The following TUB variants were observed in gnomAD, a reference collection of about 807,000 sequenced individuals.
TUB encodes TUB bipartite transcription factor.
TUB carries 33 observed loss-of-function variants against 59.7 expected under a neutral mutation model. The observed-to-expected ratio is 0.55, with a 90% CI of 0.42 to 0.74. The LOEUF (loss-of-function observed/expected upper bound fraction) is 0.74. Ranked by LOEUF, TUB falls within the 30% of genes least tolerant of loss-of-function variation. The pLI is 0.00. For missense variants in TUB, 659 were observed against 672.0 expected (o/e 0.98, Z 0.21); for synonymous variants, 293 against 256.4 (o/e 1.14, Z -1.36).
chr11:8,100,463 T>A (rs201940066), intron 9 of TUB, 40 bp from the exon 10 acceptor site: 1 of 1,537,548 alleles, frequency 6.5e-7, no homozygotes, highest in Admixed American at 1.7e-5. Flanking sequence ...AGTAGGTAAA[T>A]AGACGCCTCA....
chr11:8,054,087 C>T (rs1479679411), intron 2 of TUB, among the ~76,000 whole-genome samples: 4 of 151,928 alleles, frequency 2.6e-5, no homozygotes, highest in African/African-American at 9.7e-5. Context: ...TGTACTCCAG[C>T]CGGGGCGACA....
At chr11:8,029,411 CAG>C (rs1199831765) in intron 1 of TUB, among the ~76,000 whole-genome samples, 2 of 128,540 alleles carry the variant, frequency 1.6e-5, no homozygotes, top group African/African-American at 6.2e-5. Context: ...TTTTTTGAGA[CAG>C]AGTCTCGCTC....
rs1016265527 is a variant in TUB at position 8,053,647 on chromosome 11, C to T, written c.203+13955C>T. Among the ~76,000 whole-genome samples the T allele has an allele frequency of 2.0e-5, 3 of 151,372 alleles. No individual in the cohort carries two copies. In the South Asian group the frequency reaches 6.2e-4, roughly 31 times the overall value. On this transcript the variant is annotated intron_variant, in intron 2 of 12. Coordinates refer to the TUB transcript ENST00000305253. Reference sequence around the variant, plus strand: ...TCCGGAGTAGCTGGGACTACCGGCGCCCGCCACGACGCCCGGCGAATTTTT... The same window carrying T: ...TCCGGAGTAGCTGGGACTACCGGCGTCCGCCACGACGCCCGGCGAATTTTT...
At chr11:8,100,458 GTAAA>G (rs1388135962) in intron 9 of TUB, 41 bp from the exon 10 acceptor site, 2 of 1,509,904 alleles carry the variant, frequency 1.3e-6, no homozygotes, top group Non-Finnish European at 1.8e-6. Flanking sequence ...TCTCCAGTAG[GTAAA>G]TAGACGCCTC....
At chr11:8,033,969 G>A (rs1196187219), upstream of TUB, among the ~76,000 whole-genome samples, 2 of 152,240 alleles carry the variant, frequency 1.3e-5, no homozygotes, top group African/African-American at 2.4e-5. Flanking sequence ...AGGGAGGGCC[G>A]GAGAATAGGC....
Position 8,090,147 on chromosome 11 carries a change from C to T in TUB, c.169C>T (p.Arg57Trp), listed in dbSNP as rs1464132328. Reference protein sequence around the residue: ...MVQANADGRPRSRRARQSEEQ... With the variant: ...MVQANADGRPWSRRARQSEEQ... ...GCAGGCCAATGCAGATGGGCGGCCC[C>T]GGAGCCGGCGGGCCCGGCAGTCAGA... is the stretch of plus-strand genomic sequence containing the variant. The change falls in exon 3 of 12, where the codon CGG becomes TGG. Residue 57 changes from arginine to tryptophan, a missense_variant. Physicochemically the swap from Arg to Trp is moderately radical, Grantham distance 101. Coordinates refer to ENST00000299506, the MANE Select transcript of TUB (RefSeq NM_177972.3). 4 of 1,613,606 alleles carry T rather than the reference C, an allele frequency of 2.5e-6. No homozygotes were observed. The highest frequency in any genetic ancestry group is 3.4e-6 in the Non-Finnish European group (4 of 1,179,900).
At chr11:8,069,788 A>T (rs1241520136) in intron 2 of TUB, among the ~76,000 whole-genome samples, 1 of 152,054 alleles carries the variant, frequency 6.6e-6, no homozygotes, top group Non-Finnish European at 1.5e-5. Context: ...TGCCCTAATC[A>T]TGGGCATCCA....
intron 1 of TUB, among the ~76,000 whole-genome samples, chr11:8,032,692 A>C (rs1354233379): frequency 2.1e-5 from 1 of 47,046 alleles, no homozygotes; most frequent in Non-Finnish European, 6.8e-5. Flanking sequence ...CCTCCCGCAC[A>C]TCTGGCTCAC....
intron 3 of TUB, 109 bp downstream of exon 3, chr11:8,090,340 G>A: frequency 2.1e-6 from 3 of 1,431,092 alleles, no homozygotes; most frequent in Non-Finnish European, 2.8e-6. Flanking sequence ...CCCAGGCTGT[G>A]TATGGCTTCC....
At position 8,057,653 on chromosome 11, in the gene TUB, C is replaced by T. The variant is rs796910433; in HGVS notation, c.203+17961C>T. ...CCTTATCTTGTCCCCTGCGAAGTCA[C>T]GGAGGTTTGGGGAGTTCCTTCAGCC... On this transcript the variant is annotated intron_variant, in intron 2 of 12. Coordinates refer to the TUB transcript ENST00000305253. 1.6e-4 allele frequency among the ~76,000 whole-genome samples: 25 copies of T among 152,184 alleles called. 1 individual carries two copies. Among genetic ancestry groups the T allele is most frequent in the African/African-American group, 5.5e-4 (23 of 41,524 alleles).
intron 1 of TUB, among the ~76,000 whole-genome samples, chr11:8,030,814 T>C (rs1395418344): frequency 1.3e-5 from 2 of 152,072 alleles, no homozygotes; most frequent in Non-Finnish European, 2.9e-5. Context: ...GATTATCTCT[T>C]TGCAAGGTCA....
Position 8,090,080 on chromosome 11 carries a change from G to A in TUB, c.102G>A (p.Leu34=), listed in dbSNP as rs1474670310. The A allele has an allele frequency of 6.2e-7, 1 of 1,607,974 alleles. No individual in the cohort carries two copies. The highest frequency in any genetic ancestry group is 1.3e-5 in the African/African-American group (1 of 74,818). Residue 34 remains leucine (L), a synonymous_variant, in exon 3 of 12, where the codon CTG becomes CTA. Transcript: ENST00000299506. ...CTGTGCCTCCATAGCGGGCCCTGCT[G>A]GAGCAGAAGCAGAAGAAGAAGCGCC... is the stretch of plus-strand genomic sequence containing the variant. ...QQKLDRQRAL[L]EQKQKKKRQE... is the part of the protein sequence containing the mutation.
In TUB at chr11:8,104,923, GAA is replaced by G. The variant is rs1454161014; in HGVS notation, c.*3305_*3306del. 2.4e-5 allele frequency: 3 copies of G among 127,598 alleles called. No individual in the cohort carries two copies. The highest frequency in any genetic ancestry group is 4.5e-4 in the East Asian group (2 of 4,454). 7.9% of individuals were successfully genotyped at this position (127,598 alleles called of 1,614,324 possible). ...AGTAGGGCACAAAATTCTAGAAGCA[GAA>G]GGTTGTTTTTTTTTTTTTTTCTCCA... On this transcript the variant is annotated 3_prime_UTR_variant, in exon 12 of 12. Transcript: ENST00000299506.
At chr11:8,100,700 T>TAC in intron 10 of TUB, 99 bp downstream of exon 10, 1 of 1,383,022 alleles carries the variant, frequency 7.2e-7, no homozygotes, top group Non-Finnish European at 1.0e-6. Flanking sequence ...TGTGGAGGGG[T>TAC]ACCATGTGAG....
At position 8,095,608 on chromosome 11, in the gene TUB, G is replaced by A. The variant is rs765970403; in HGVS notation, c.508G>A (p.Ala170Thr). 14 of 1,612,192 alleles carry A rather than the reference G, an allele frequency of 8.7e-6. No individual in the cohort carries two copies. The Admixed American group carries it at 2.0e-4, about 23-fold the overall frequency. Residue 170 changes from alanine (A) to threonine (T), a missense_variant, in exon 5 of 12, where the codon GCT becomes ACT. Around this residue, in one of 3 missense-constraint regions of TUB, gnomAD observed 321 missense variants for 304.3 expected, o/e 1.05. Coordinates refer to ENST00000299506, the MANE Select transcript of TUB (RefSeq NM_177972.3). ...DHAQDAGETA[A>T]GGGERPSGQD... ...CGCCCAGGACGCAGGGGAGACGGCA[G>A]CTGGTGGGGGCGAACGGCCCAGCGG... is the stretch of plus-strand genomic sequence containing the variant.
At chr11:8,052,200 T>C (rs1181503495) in intron 2 of TUB, among the ~76,000 whole-genome samples, 1 of 152,344 alleles carries the variant, frequency 6.6e-6, no homozygotes, top group East Asian at 1.9e-4. Flanking sequence ...AGATGAATTT[T>C]GGAATAAATT....
chr11:8,089,795 G>A, intron 2 of TUB, 134 bp downstream of exon 2: 2 of 1,264,416 alleles, frequency 1.6e-6, no homozygotes, highest in Non-Finnish European at 2.2e-6. Flanking sequence ...GAAGAAGAGA[G>A]GTGCACTCTC....
chr11:8,072,736 G>C (rs1348546942), intron 2 of TUB, among the ~76,000 whole-genome samples: 1 of 152,206 alleles, frequency 6.6e-6, no homozygotes, highest in Non-Finnish European at 1.5e-5. Flanking sequence ...AGGCGAGCCT[G>C]GGGAAAGTGG....
Position 8,101,738 on chromosome 11 carries a change from T to C in TUB, c.*119T>C. The C allele has an allele frequency of 2.1e-6, 3 of 1,446,400 alleles. No individual in the cohort carries two copies. The highest frequency in any genetic ancestry group is 2.4e-5 in the Admixed American group (1 of 40,924). The allele number at this position is 1,446,400 out of a possible 1,614,324, so 89.6% of individuals were successfully genotyped here. On this transcript the variant is annotated 3_prime_UTR_variant, in exon 12 of 12. Coordinates refer to ENST00000299506, the MANE Select transcript of TUB (RefSeq NM_177972.3). ...CTTCCGCCAGATGAAGCTTTGGCCC[T>C]CAGTGGGCTCCCTGGCCCAGCCAGC... is the stretch of plus-strand genomic sequence containing the variant.
Sources: allele counts gnomAD v4.1 joint callset (sites outside exome capture counted in the v4.1 genomes callset), GRCh38; gene constraint gnomAD v4.1.1; regional missense constraint gnomAD v4.1.1; transcripts MANE v1.5; gene names NCBI Gene and HGNC (gene_info 2026-07-23, HGNC 2026-07-21).